Variants in NWD2 observed in about 807,000 individuals in gnomAD.
NWD2 encodes the protein NACHT and WD repeat domain containing 2.
Under a neutral mutation model 132.7 loss-of-function variants are expected in NWD2, and 37 were observed. The ratio of observed to expected loss-of-function variants is 0.28; its 90% confidence interval spans 0.21 to 0.37. The LOEUF is 0.37. NWD2 is among the 10% of genes least tolerant of loss of function. The probability of loss-of-function intolerance (pLI) is 1.00; values close to 1 mark genes in which losing one functional copy is unlikely to be tolerated. For missense variants in NWD2, 1,592 were observed against 2,122.4 expected (o/e 0.75, Z 4.91); for synonymous variants, 705 against 803.0 (o/e 0.88, Z 2.06).
intron 3 of NWD2, among the ~76,000 whole-genome samples, chr4:37,388,715 A>G (rs1720622454): frequency 8.6e-6 from 1 of 116,038 alleles, no homozygotes; most frequent in African/African-American, 4.0e-5. Flanking sequence ...ATATATAAAT[A>G]TATATATCAT....
chr4:37,403,426 AG>A (rs144266505), intron 3 of NWD2, among the ~76,000 whole-genome samples: 2,121 of 152,216 alleles, frequency 0.014, 49 homozygotes, highest in African/African-American at 0.048. Flanking sequence ...GCAAAGATCT[AG>A]GGGCCCCAGG....
rs532567361 is a variant in NWD2 at position 37,281,219 on chromosome 4, G to C, written c.151+36001G>C. 8.7e-4 allele frequency among the ~76,000 whole-genome samples: 133 copies of C among 152,146 alleles called. 3 individuals carry two copies. Among genetic ancestry groups the C allele is most frequent in the Admixed American group, 3.3e-4 (5 of 15,268 alleles). On this transcript the variant is annotated intron_variant, in intron 1 of 6. Coordinates refer to ENST00000309447, the MANE Select transcript of NWD2 (RefSeq NM_001144990.2). ...CAGGACTCCAGTTCAGATTTTCCTA[G>C]GAAGGATCTCATCACCTCTCTGGTA...
chr4:37,250,287 G>T (rs184905998), intron 1 of NWD2, among the ~76,000 whole-genome samples: 2 of 152,280 alleles, frequency 1.3e-5, no homozygotes, highest in East Asian at 3.9e-4. Flanking sequence ...TAGAGTAAAT[G>T]AGTTCTAAAA....
intron 2 of NWD2, among the ~76,000 whole-genome samples, chr4:37,330,681 G>C (rs756050780): frequency 6.6e-6 from 1 of 152,158 alleles, no homozygotes; most frequent in Admixed American, 6.5e-5. Context: ...ACTGGTTCTT[G>C]TTTGTTTTTA....
At chr4:37,391,748 TGGA>T (rs905109144) in intron 3 of NWD2, among the ~76,000 whole-genome samples, 5 of 152,206 alleles carry the variant, frequency 3.3e-5, no homozygotes, top group African/African-American at 1.2e-4. Flanking sequence ...AGCTGAGACA[TGGA>T]GACCTCGCTG....
chr4:37,343,688 G>A, intron 2 of NWD2, among the ~76,000 whole-genome samples: 1 of 152,058 alleles, frequency 6.6e-6, no homozygotes, highest in East Asian at 1.9e-4. Flanking sequence ...GGGAAAATTG[G>A]GAAAGAAAAT....
Position 37,275,967 on chromosome 4 carries a change from TAAA to T in NWD2, c.151+30750_151+30752del, listed in dbSNP as rs1701874770. Among the ~76,000 whole-genome samples the T allele has an allele frequency of 2.0e-5, 3 of 152,270 alleles. 1 individual carries two copies. Among genetic ancestry groups the T allele is most frequent in the Non-Finnish European group, 4.4e-5 (3 of 68,012 alleles). On this transcript the variant is annotated intron_variant, in intron 1 of 6. Coordinates refer to ENST00000309447, the MANE Select transcript of NWD2 (RefSeq NM_001144990.2). ...ATTAATTCAAGATGAATTAAAGACT[TAAA>T]TGTTAGACCTAAAACCATAAAAACC...
At chr4:37,431,580 T>C (rs1413517982) in intron 4 of NWD2, among the ~76,000 whole-genome samples, 1 of 152,198 alleles carries the variant, frequency 6.6e-6, no homozygotes, top group Admixed American at 6.5e-5. Context: ...CTATAGTTAA[T>C]TATAAACCTG....
intron 2 of NWD2, among the ~76,000 whole-genome samples, chr4:37,346,586 T>C (rs1719641899): frequency 6.6e-6 from 1 of 152,226 alleles, no homozygotes; most frequent in South Asian, 2.1e-4. Flanking sequence ...GGATTGAATC[T>C]GTAGGTTAAT....
At chr4:37,434,768 A>G (rs1051863490) in intron 5 of NWD2, among the ~76,000 whole-genome samples, 3 of 147,798 alleles carry the variant, frequency 2.0e-5, no homozygotes, top group African/African-American at 7.5e-5. Flanking sequence ...AATAAAAGAT[A>G]GCTTTACTTT....
chr4:37,327,760 AT>A (rs936344562), intron 2 of NWD2, among the ~76,000 whole-genome samples: 2 of 152,088 alleles, frequency 1.3e-5, no homozygotes, highest in Non-Finnish European at 2.9e-5. Context: ...CTAAGGATAT[AT>A]TTTTTAGAGA....
chr4:37,351,537 A>G (rs768331251), intron 2 of NWD2, among the ~76,000 whole-genome samples: 3 of 152,132 alleles, frequency 2.0e-5, no homozygotes, highest in Non-Finnish European at 4.4e-5. Flanking sequence ...CGCCTTTATC[A>G]TTTGTTATTG....
intron 1 of NWD2, among the ~76,000 whole-genome samples, chr4:37,261,513 T>A (rs1717635830): frequency 6.6e-6 from 1 of 152,164 alleles, no homozygotes. Context: ...AGACACCCAT[T>A]TTCCATGAAA....
intron 2 of NWD2, among the ~76,000 whole-genome samples, chr4:37,342,877 C>T (rs969359967): frequency 6.6e-6 from 1 of 152,184 alleles, no homozygotes; most frequent in Non-Finnish European, 1.5e-5. Context: ...TCGTGTATGA[C>T]ACCAGGCCAG....
At chr4:37,440,324 C>T (rs2109329804) in intron 6 of NWD2, among the ~76,000 whole-genome samples, 1 of 152,318 alleles carries the variant, frequency 6.6e-6, no homozygotes, top group African/African-American at 2.4e-5. Context: ...AGCCTGCCGT[C>T]CACATGTAGC....
At chr4:37,283,982 T>G (rs1441588719) in intron 1 of NWD2, among the ~76,000 whole-genome samples, 1 of 152,210 alleles carries the variant, frequency 6.6e-6, no homozygotes, top group Non-Finnish European at 1.5e-5. Flanking sequence ...GTAAATTCCT[T>G]TTTAAAAATA....
intron 1 of NWD2, among the ~76,000 whole-genome samples, chr4:37,320,426 A>T (rs1365785787): frequency 1.3e-5 from 2 of 152,190 alleles, no homozygotes; most frequent in Non-Finnish European, 2.9e-5. Flanking sequence ...TTGTCTTGGC[A>T]TTTATTGCTG....
At chr4:37,266,852 T>A (rs1237403499) in intron 1 of NWD2, among the ~76,000 whole-genome samples, 1 of 152,022 alleles carries the variant, frequency 6.6e-6, no homozygotes, top group Non-Finnish European at 1.5e-5. Flanking sequence ...GCAATACTCA[T>A]AGTAAAAGTA....
At chr4:37,263,171 T>A (rs2109260067) in intron 1 of NWD2, among the ~76,000 whole-genome samples, 1 of 152,136 alleles carries the variant, frequency 6.6e-6, no homozygotes, top group Admixed American at 6.5e-5. Context: ...GATCCCAGAG[T>A]ATTTTATATT....
Sources: allele counts gnomAD v4.1 joint callset (sites outside exome capture counted in the v4.1 genomes callset), GRCh38; gene constraint gnomAD v4.1.1; transcripts MANE v1.5; gene names NCBI Gene and HGNC (gene_info 2026-07-23, HGNC 2026-07-21).